Variants in COL15A1 observed in about 807,000 individuals in gnomAD.
COL15A1 encodes collagen alpha-1(XV) chain.
In COL15A1, 111 loss-of-function variants were observed where a neutral mutation model predicts 165.9. That is an observed-to-expected ratio of 0.67 (90% CI 0.57 to 0.78). The LOEUF (loss-of-function observed/expected upper bound fraction) is 0.78. Ranked by LOEUF, COL15A1 falls within the 30% of genes least tolerant of loss-of-function variation. The probability of loss-of-function intolerance (pLI) is 0.00; values close to 1 mark genes in which losing one functional copy is unlikely to be tolerated. For missense variants in COL15A1, 1,745 were observed against 1,789.7 expected (o/e 0.98, Z 0.45); for synonymous variants, 659 against 674.8 (o/e 0.98, Z 0.36).
intron 22 of COL15A1, among the ~76,000 whole-genome samples, chr9:99,039,526 A>T (rs1839363962): frequency 6.6e-6 from 1 of 152,226 alleles, no homozygotes. Flanking sequence ...ACAAACAAAA[A>T]AAACCAAAAT....
At chr9:98,985,531 C>T in intron 2 of COL15A1, 34 bp from the exon 3 acceptor site, 2 of 1,583,836 alleles carry the variant, frequency 1.3e-6, no homozygotes, top group Non-Finnish European at 1.7e-6. Context: ...TGGAATATAC[C>T]TGTAAAGCGT....
chr9:99,002,923 C>T (rs1378066505), intron 7 of COL15A1, among the ~76,000 whole-genome samples: 1 of 152,198 alleles, frequency 6.6e-6, no homozygotes, highest in East Asian at 1.9e-4. Context: ...TGTCACCAGC[C>T]CCAAAGCTGC....
chr9:98,987,422 T>C, intron 4 of COL15A1, 54 bp downstream of exon 4: 1 of 1,510,456 alleles, frequency 6.6e-7, no homozygotes, highest in Non-Finnish European at 9.0e-7. Context: ...AGCCGCAGCC[T>C]GGGGAGGGCT....
chr9:98,980,381 T>A (rs759376550), intron 2 of COL15A1, among the ~76,000 whole-genome samples: 1 of 151,904 alleles, frequency 6.6e-6, no homozygotes, highest in Non-Finnish European at 1.5e-5. Context: ...GTGCGGGAGG[T>A]GAAGCGAGAT....
chr9:99,000,380 C>T (rs1157591212), intron 6 of COL15A1, among the ~76,000 whole-genome samples: 2 of 151,770 alleles, frequency 1.3e-5, no homozygotes, highest in Admixed American at 1.3e-4. Flanking sequence ...TATTACATAA[C>T]ATGAATATGT....
chr9:99,069,595 CTT>C (rs1389747485), intron 41 of COL15A1, 76 bp from the exon 42 acceptor site: 2 of 1,546,762 alleles, frequency 1.3e-6, no homozygotes, highest in Admixed American at 1.8e-5. Flanking sequence ...ATTCATTAGA[CTT>C]ATGCCAATTT....
chr9:99,047,443 G>C (rs1182254173), intron 26 of COL15A1, among the ~76,000 whole-genome samples: 1 of 152,216 alleles, frequency 6.6e-6, no homozygotes, highest in Non-Finnish European at 1.5e-5. Context: ...TCCATGTTCT[G>C]GGCTGGCCCA....
At chr9:99,033,673 T>C (rs1275257821) in intron 16 of COL15A1, among the ~76,000 whole-genome samples, 1 of 152,220 alleles carries the variant, frequency 6.6e-6, no homozygotes, top group Admixed American at 6.5e-5. Flanking sequence ...ATGGATTTGA[T>C]ATAAGGAGGA....
chr9:99,049,671 C>A lies in COL15A1; in HGVS notation c.2794-19C>A, dbSNP rs763636984. ...ACAACAACCTGAACTAATGGAATGG[C>A]CTTTTTTTCTTCCTTCAGGGCCCAC... On this transcript the variant is annotated intron_variant, in intron 28 of 41. Transcript: ENST00000375001. The A allele has an allele frequency of 3.1e-6, 5 of 1,612,348 alleles. No individual in the cohort carries two copies. Among genetic ancestry groups the A allele is most frequent in the Non-Finnish European group, 4.2e-6 (5 of 1,179,854 alleles).
At position 98,973,235 on chromosome 9, in the gene COL15A1, C is replaced by A. The variant is rs147029321; in HGVS notation, c.101-12330C>A. 4.0e-3 allele frequency among the ~76,000 whole-genome samples: 598 copies of A among 150,328 alleles called. 6 individuals are homozygous for A. The highest frequency in any genetic ancestry group is 0.014 in the African/African-American group (568 of 40,704). ...AAGCAAGAACGAGAGAACAAGAGAG[C>A]AAGAGAGAAAGAGAGAGAGGGAGAG... On this transcript the variant is annotated intron_variant, in intron 2 of 41. Coordinates refer to ENST00000375001, the MANE Select transcript of COL15A1 (RefSeq NM_001855.5).
rs953356138 is a variant in COL15A1 at position 99,055,285 on chromosome 9, CAAAGGTGAA to C, written c.3111_3119del (p.Glu1041_Gly1043del). On this transcript the variant is annotated inframe_deletion, in exon 34 of 42. Coordinates refer to ENST00000375001, the MANE Select transcript of COL15A1 (RefSeq NM_001855.5). The stretch of plus-strand genomic sequence containing the variant: ...AGGGGGAGAATGGAGACAAGGGGTT[CAAAGGTGAA>C]AAAGGAGAAAAAGGAGACATTAATG... 1.9e-6 allele frequency: 3 copies of C among 1,613,148 alleles called. No homozygotes were observed. In the African/African-American group the frequency reaches 4.0e-5, roughly 22 times the overall value.
chr9:99,031,175 T>C (rs528651521), intron 16 of COL15A1, among the ~76,000 whole-genome samples: 1 of 152,306 alleles, frequency 6.6e-6, no homozygotes, highest in East Asian at 1.9e-4. Flanking sequence ...AGGGCTTTGC[T>C]CGCAGAAATT....
intron 32 of COL15A1, among the ~76,000 whole-genome samples, 185 bp from the exon 33 acceptor site, chr9:99,054,917 C>T (rs1825690359): frequency 6.6e-6 from 1 of 152,182 alleles, no homozygotes; most frequent in African/African-American, 2.4e-5. Context: ...CCTGGGATCC[C>T]ACAGTGTCTG....
chr9:99,012,638 C>CA (rs1283968439), intron 9 of COL15A1, among the ~76,000 whole-genome samples: 2 of 151,112 alleles, frequency 1.3e-5, no homozygotes, highest in Non-Finnish European at 2.9e-5. Context: ...ATAAAACCAA[C>CA]AGAGTGCCTG....
chr9:99,058,381 T>C (rs1218623701), intron 35 of COL15A1, among the ~76,000 whole-genome samples: 1 of 151,732 alleles, frequency 6.6e-6, no homozygotes, highest in Non-Finnish European at 1.5e-5. Context: ...GAAGGGAAGG[T>C]CCCAAGAGAA....
intron 2 of COL15A1, among the ~76,000 whole-genome samples, chr9:98,963,898 C>T (rs533308100): frequency 9.9e-5 from 15 of 152,278 alleles, no homozygotes; most frequent in African/African-American, 2.4e-4. Context: ...AGGCATGTGA[C>T]GGTGTGTGCT....
chr9:99,066,854 C>G, intron 39 of COL15A1, 28 bp from the exon 40 acceptor site: 3 of 1,594,884 alleles, frequency 1.9e-6, no homozygotes, highest in Non-Finnish European at 2.6e-6. Flanking sequence ...TTGATTCTGA[C>G]TGCTCTCTTT....
At position 98,958,917 on chromosome 9, in the gene COL15A1, G is replaced by A. The variant is rs1837820449; in HGVS notation, c.100+14667G>A. Among the ~76,000 whole-genome samples, 6 of 152,098 alleles carry A rather than the reference G, an allele frequency of 3.9e-5. No homozygotes were observed. In the South Asian group the frequency reaches 1.2e-3, roughly 32 times the overall value. ...TCACGGAGATAGGGTGGCTGGATTG[G>A]AAGCCATGGCTGATGCGCCCCATTT... On this transcript the variant is annotated intron_variant, in intron 2 of 41. Coordinates refer to ENST00000375001, the MANE Select transcript of COL15A1 (RefSeq NM_001855.5).
intron 26 of COL15A1, among the ~76,000 whole-genome samples, chr9:99,046,110 G>A (rs910952269): frequency 1.3e-5 from 2 of 152,226 alleles, no homozygotes; most frequent in Non-Finnish European, 2.9e-5. Flanking sequence ...TAGTGGTGGG[G>A]GTCAGCAGGC....
Sources: allele counts gnomAD v4.1 joint callset (sites outside exome capture counted in the v4.1 genomes callset), GRCh38; gene constraint gnomAD v4.1.1; transcripts MANE v1.5; gene names NCBI Gene and HGNC (gene_info 2026-07-23, HGNC 2026-07-21).